The following COL25A1 variants were observed in gnomAD, a reference collection of about 807,000 sequenced individuals.
COL25A1 encodes the protein collagen type XXV alpha 1 chain, also known as collagen alpha-1(XXV) chain.
Under a neutral mutation model 128.4 loss-of-function variants are expected in COL25A1, and 103 were observed. That is an observed-to-expected ratio of 0.80 (90% CI 0.68 to 0.94). The LOEUF (loss-of-function observed/expected upper bound fraction) is 0.94. Ranked by LOEUF, COL25A1 falls within the 40% of genes least tolerant of loss-of-function variation. The pLI is 0.00. For missense variants in COL25A1, 745 were observed against 840.0 expected, an observed-to-expected ratio of 0.89 and a Z score of 1.40; for synonymous variants, 279 against 277.2, an observed-to-expected ratio of 1.01 and a Z score of -0.06.
At chr4:109,209,698 T>G (rs1356322903) in intron 3 of COL25A1, among the ~76,000 whole-genome samples, 1 of 152,094 alleles carries the variant, frequency 6.6e-6, no homozygotes, top group East Asian at 1.9e-4. Context: ...GAAAGGAGTA[T>G]ATAATGTCCC....
intron 31 of COL25A1, among the ~76,000 whole-genome samples, chr4:108,835,711 C>T (rs1733702750): frequency 6.7e-6 from 1 of 149,668 alleles, no homozygotes; most frequent in Non-Finnish European, 1.5e-5. Context: ...TGCGCCATCG[C>T]ACCCGGCTAA....
chr4:109,034,293 GA>G (rs1331794968), intron 5 of COL25A1, among the ~76,000 whole-genome samples: 3 of 152,112 alleles, frequency 2.0e-5, no homozygotes. Flanking sequence ...AATAAACTAT[GA>G]AAAATGTCAT....
intron 8 of COL25A1, among the ~76,000 whole-genome samples, chr4:108,944,183 A>G (rs1414887607): frequency 1.3e-5 from 2 of 152,202 alleles, no homozygotes; most frequent in Non-Finnish European, 2.9e-5. Context: ...CCGTTCTGAT[A>G]AGGCTATTAA....
chr4:109,275,554 G>A (rs1722747811), intron 3 of COL25A1, among the ~76,000 whole-genome samples: 2 of 152,268 alleles, frequency 1.3e-5, no homozygotes, highest in Middle Eastern at 3.4e-3. Flanking sequence ...TACAGAATAT[G>A]CAAAGGCGCC....
chr4:109,121,319 A>T (rs1044454271), intron 3 of COL25A1, among the ~76,000 whole-genome samples: 20 of 152,130 alleles, frequency 1.3e-4, no homozygotes, highest in Non-Finnish European at 2.8e-4. Context: ...CTACTCTGTG[A>T]AAAACAATGT....
intron 3 of COL25A1, among the ~76,000 whole-genome samples, chr4:109,273,248 A>C (rs1319129421): frequency 6.6e-6 from 1 of 152,204 alleles, no homozygotes; most frequent in East Asian, 1.9e-4. Flanking sequence ...AATTGTCCTC[A>C]TTACTAAGTA....
intron 3 of COL25A1, among the ~76,000 whole-genome samples, chr4:109,151,598 T>C (rs1771513328): frequency 6.6e-6 from 1 of 152,158 alleles, no homozygotes. Flanking sequence ...TTGTATCAAC[T>C]GGTTATGGGA....
Position 108,825,222 on chromosome 4 carries a change from C to A in COL25A1, c.1765G>T (p.Gly589Trp). The A allele has an allele frequency of 6.2e-7, 1 of 1,611,022 alleles. No homozygotes were observed. The highest frequency in any genetic ancestry group is 1.7e-4 in the Middle Eastern group (1 of 6,048). ...PGPRGPYGLP[G>W]KDGEPGLDGF... ...TCAAGACCAGGCTCTCCATCTTTCC[C>A]CTGCCAAAGAACCATAGTAGCTACA... Residue 589 changes from glycine to tryptophan, a missense_variant and splice_region_variant, in exon 34 of 38, where the codon GGG (glycine) becomes TGG (tryptophan). By Grantham distance (184) the Gly-to-Trp change is radical. Transcript: ENST00000399132.
chr4:109,188,731 G>T (rs948632044), intron 3 of COL25A1, among the ~76,000 whole-genome samples: 2 of 152,066 alleles, frequency 1.3e-5, no homozygotes, highest in Admixed American at 6.5e-5. Flanking sequence ...TACAAACAAA[G>T]TAAGGAGACC....
chr4:109,209,257 T>A (rs922368162), intron 3 of COL25A1, among the ~76,000 whole-genome samples: 4 of 152,122 alleles, frequency 2.6e-5, no homozygotes, highest in African/African-American at 9.7e-5. Context: ...CAAAAGCAGA[T>A]GAAACTAATC....
intron 3 of COL25A1, among the ~76,000 whole-genome samples, chr4:109,140,423 T>C (rs1770281662): frequency 6.6e-6 from 1 of 152,218 alleles, no homozygotes; most frequent in African/African-American, 2.4e-5. Flanking sequence ...GGCTCTTTTT[T>C]GGTTCCATAT....
At chr4:108,951,047 C>T (rs1749362854) in intron 8 of COL25A1, among the ~76,000 whole-genome samples, 1 of 152,170 alleles carries the variant, frequency 6.6e-6, no homozygotes, top group Admixed American at 6.5e-5. Context: ...GAAGGTATTC[C>T]AGTCTGTAGC....
At chr4:109,070,664 C>T (rs1357396165) in intron 3 of COL25A1, among the ~76,000 whole-genome samples, 1 of 150,712 alleles carries the variant, frequency 6.6e-6, no homozygotes, top group Admixed American at 6.6e-5. Flanking sequence ...TTAGGTATAA[C>T]TCCTAATGCT....
intron 3 of COL25A1, among the ~76,000 whole-genome samples, chr4:109,178,805 A>G (rs969403994): frequency 7.1e-5 from 10 of 141,114 alleles, no homozygotes; most frequent in African/African-American, 2.7e-4. Flanking sequence ...ACTGCACTCC[A>G]GCCTGGGCAA....
In COL25A1 at chr4:108,872,372, C is replaced by T. The variant is rs188443734; in HGVS notation, c.1021-3222G>A. Among the ~76,000 whole-genome samples the T allele has an allele frequency of 1.3e-4, 20 of 152,232 alleles. No individual in the cohort carries two copies. The East Asian group carries it at 1.5e-3, about 12-fold the overall frequency. Reference sequence around the variant, plus strand: ...CAGAGGTTACAGTGAGCTAAGATTGCGCCACTGCACTCCAGCTCAGGCAAC... The same window carrying T: ...CAGAGGTTACAGTGAGCTAAGATTGTGCCACTGCACTCCAGCTCAGGCAAC... On this transcript the variant is annotated intron_variant, in intron 19 of 37. Transcript: ENST00000399132.
intron 3 of COL25A1, among the ~76,000 whole-genome samples, chr4:109,119,557 A>G (rs1313428339): frequency 1.3e-5 from 2 of 152,034 alleles, no homozygotes; most frequent in Non-Finnish European, 2.9e-5. Context: ...CTATGCCCAT[A>G]GATTAAATAA....
At chr4:108,962,185 C>CTTTTTT (rs201713906) in intron 8 of COL25A1, among the ~76,000 whole-genome samples, 1 of 131,956 alleles carries the variant, frequency 7.6e-6, no homozygotes. Context: ...TACCTCGATT[C>CTTTTTT]TTTTTTTTTC....
intron 3 of COL25A1, among the ~76,000 whole-genome samples, chr4:109,171,438 T>C (rs1773576120): frequency 6.6e-6 from 1 of 152,206 alleles, no homozygotes; most frequent in Non-Finnish European, 1.5e-5. Context: ...AGCACCCTTA[T>C]AAGAAGAGGC....
In COL25A1 at chr4:109,051,260, C is replaced by T. The variant is rs536041522; in HGVS notation, c.368-1081G>A. The stretch of plus-strand genomic sequence containing the variant: ...TTTCAATGTGATCCTGAGCTACTGG[C>T]TCCCACATGGAAACACTATCATGAG... On this transcript the variant is annotated intron_variant, in intron 3 of 37. Coordinates refer to ENST00000399132, the MANE Select transcript of COL25A1 (RefSeq NM_198721.4). Among the ~76,000 whole-genome samples, 8 of 152,280 alleles carry T rather than the reference C, an allele frequency of 5.3e-5. No homozygotes were observed. In the South Asian group the frequency reaches 8.3e-4, roughly 16 times the overall value.
Sources: allele counts gnomAD v4.1 joint callset (sites outside exome capture counted in the v4.1 genomes callset), GRCh38; gene constraint gnomAD v4.1.1; transcripts MANE v1.5; gene names NCBI Gene and HGNC (gene_info 2026-07-23, HGNC 2026-07-21).